The following CNTNAP4 variants were observed in gnomAD, a reference collection of about 807,000 sequenced individuals.
CNTNAP4 encodes the protein contactin-associated protein-like 4.
In CNTNAP4, 98 loss-of-function variants were observed where a neutral mutation model predicts 148.4. The observed-to-expected ratio is 0.66, with a 90% confidence interval of 0.56 to 0.78. The LOEUF (loss-of-function observed/expected upper bound fraction) is 0.78. CNTNAP4 is among the 30% of genes least tolerant of loss of function. The pLI is 0.00. For synonymous variants in CNTNAP4, 730 were observed against 565.1 expected (o/e 1.29, Z -4.14); for missense variants, 1,935 against 1,565.6 (o/e 1.24, Z -3.98).
At chr16:76,339,837 C>T (rs375600903) in intron 2 of CNTNAP4, among the ~76,000 whole-genome samples, 3 of 152,238 alleles carry the variant, frequency 2.0e-5, no homozygotes, top group East Asian at 1.9e-4. Context: ...CTTTCTAATA[C>T]GAGATTTGAT....
At chr16:76,330,821 T>A (rs1567730095) in intron 2 of CNTNAP4, among the ~76,000 whole-genome samples, 1 of 152,156 alleles carries the variant, frequency 6.6e-6, no homozygotes, top group Non-Finnish European at 1.5e-5. Context: ...AAATAGAAAT[T>A]CAGAAAAATG....
At chr16:76,444,318 T>C (rs13334656) in intron 4 of CNTNAP4, among the ~76,000 whole-genome samples, 6,626 of 152,260 alleles carry the variant, frequency 0.044, 412 homozygotes, top group African/African-American at 0.14. Context: ...TAATAAATAG[T>C]AAAATCAGAA....
intron 2 of CNTNAP4, among the ~76,000 whole-genome samples, chr16:76,344,926 A>G (rs9937470): frequency 0.035 from 5,273 of 152,234 alleles, 303 homozygotes; most frequent in African/African-American, 0.12. Context: ...CCCCTGGCTA[A>G]TGTTGGTTAT....
chr16:76,381,915 T>C (rs1344383363), intron 3 of CNTNAP4, among the ~76,000 whole-genome samples: 2 of 151,672 alleles, frequency 1.3e-5, no homozygotes, highest in Non-Finnish European at 2.9e-5. Flanking sequence ...AAAAATTAGC[T>C]GGGCGTGGTG....
At chr16:76,410,306 A>G (rs2078747011) in intron 3 of CNTNAP4, among the ~76,000 whole-genome samples, 1 of 151,842 alleles carries the variant, frequency 6.6e-6, no homozygotes, top group Non-Finnish European at 1.5e-5. Context: ...AGATTTTGTC[A>G]TCTGTGTTGA....
intron 10 of CNTNAP4, among the ~76,000 whole-genome samples, chr16:76,469,998 T>TA (rs898029341): frequency 1.7e-4 from 26 of 149,898 alleles, no homozygotes; most frequent in South Asian, 4.2e-4. Context: ...AATGGAGCCT[T>TA]AAAAAAAAAA....
chr16:76,357,640 T>A (rs1161917502), intron 3 of CNTNAP4, among the ~76,000 whole-genome samples: 1 of 152,204 alleles, frequency 6.6e-6, no homozygotes, highest in African/African-American at 2.4e-5. Flanking sequence ...CCCCAAAGTG[T>A]AAGAGCACCT....
At chr16:76,375,388 C>G (rs553343114) in intron 3 of CNTNAP4, among the ~76,000 whole-genome samples, 1 of 152,260 alleles carries the variant, frequency 6.6e-6, no homozygotes, top group African/African-American at 2.4e-5. Flanking sequence ...CGACACTGCA[C>G]TCCAGCCTAG....
intron 10 of CNTNAP4, among the ~76,000 whole-genome samples, chr16:76,469,047 A>G (rs559318160): frequency 3.9e-4 from 59 of 152,282 alleles, no homozygotes; most frequent in African/African-American, 1.4e-3. Flanking sequence ...AGACTCTTCT[A>G]TTTATATCCA....
Position 76,503,226 on chromosome 16 carries a change from A to C in CNTNAP4, c.2365+4532A>C, listed in dbSNP as rs140911175. ...AAAGGCAAGAATGTCTGCTCTCACTACTCCTATTCAATCTATTACTCATGG... is the reference window on the plus strand; with the variant it reads ...AAAGGCAAGAATGTCTGCTCTCACTCCTCCTATTCAATCTATTACTCATGG... On this transcript the variant is annotated intron_variant, in intron 15 of 23. Transcript: ENST00000611870. Among the ~76,000 whole-genome samples, 38 of 152,076 alleles carry C rather than the reference A, an allele frequency of 2.5e-4. 1 individual carries two copies. The East Asian group carries it at 7.2e-3, about 29-fold the overall frequency.
chr16:76,361,638 T>C (rs1215193407), intron 3 of CNTNAP4, among the ~76,000 whole-genome samples: 1 of 152,200 alleles, frequency 6.6e-6, no homozygotes, highest in East Asian at 1.9e-4. Context: ...CAGATGTCTC[T>C]TTGAGATCCT....
chr16:76,455,306 G>A (rs1027273491), intron 8 of CNTNAP4, among the ~76,000 whole-genome samples: 8 of 152,324 alleles, frequency 5.3e-5, no homozygotes, highest in South Asian at 4.1e-4. Context: ...TTGCGTAACA[G>A]TGAAAATCAG....
intron 3 of CNTNAP4, among the ~76,000 whole-genome samples, chr16:76,363,554 A>G (rs1257074745): frequency 1.3e-5 from 2 of 152,168 alleles, no homozygotes; most frequent in Non-Finnish European, 1.5e-5. Flanking sequence ...AAAAAAACGT[A>G]CAGAAACAGC....
intron 6 of CNTNAP4, 61 bp downstream of exon 6, chr16:76,449,012 A>G: frequency 6.8e-7 from 1 of 1,473,122 alleles, no homozygotes; most frequent in Admixed American, 1.9e-5. Context: ...TTAATCTCCC[A>G]GAGGAAAATA....
chr16:76,391,698 G>C (rs902844712), intron 3 of CNTNAP4, among the ~76,000 whole-genome samples: 1 of 152,180 alleles, frequency 6.6e-6, no homozygotes, highest in African/African-American at 2.4e-5. Flanking sequence ...CCCTCCATGT[G>C]ATGTTTGATG....
intron 1 of CNTNAP4, among the ~76,000 whole-genome samples, chr16:76,314,232 C>T (rs970296058): frequency 2.0e-5 from 3 of 152,116 alleles, no homozygotes; most frequent in African/African-American, 4.8e-5. Flanking sequence ...TTTGACTATG[C>T]CACTATTACC....
chr16:76,327,330 C>G (rs962159992), intron 2 of CNTNAP4, among the ~76,000 whole-genome samples: 4 of 152,144 alleles, frequency 2.6e-5, no homozygotes, highest in East Asian at 1.9e-4. Context: ...TGTATAAATT[C>G]TTTTAGGATA....
intron 3 of CNTNAP4, among the ~76,000 whole-genome samples, chr16:76,418,533 G>A (rs991796437): frequency 1.3e-5 from 2 of 151,278 alleles, no homozygotes; most frequent in Admixed American, 6.6e-5. Context: ...TTAATTTGTA[G>A]CATTTCTCTT....
At chr16:76,485,108 T>A (rs1474712718) in intron 12 of CNTNAP4, among the ~76,000 whole-genome samples, 1 of 152,176 alleles carries the variant, frequency 6.6e-6, no homozygotes, top group African/African-American at 2.4e-5. Context: ...TATTGCTTTT[T>A]CTTTTCTTTT....
Sources: allele counts gnomAD v4.1 joint callset (sites outside exome capture counted in the v4.1 genomes callset), GRCh38; gene constraint gnomAD v4.1.1; transcripts MANE v1.5; gene names NCBI Gene and HGNC (gene_info 2026-07-23, HGNC 2026-07-21).